SLC8A1: variants seen among roughly 807,000 people sequenced by gnomAD.
The protein encoded by SLC8A1 is sodium/calcium exchanger 1.
SLC8A1 carries 18 observed loss-of-function variants against 68.3 expected under a neutral mutation model. The ratio of observed to expected loss-of-function variants is 0.26; its 90% CI spans 0.18 to 0.39. The LOEUF is 0.39. SLC8A1 is among the 10% of genes least tolerant of loss of function. SLC8A1 has a pLI of 1.00. For missense variants in SLC8A1, 985 were observed against 1,156.7 expected (o/e 0.85, Z 2.15); for synonymous variants, 475 against 415.5 (o/e 1.14, Z -1.74).
At chr2:40,282,021 C>T (rs1425739641) in intron 2 of SLC8A1, among the ~76,000 whole-genome samples, 1 of 152,116 alleles carries the variant, frequency 6.6e-6, no homozygotes, top group Admixed American at 6.5e-5. Flanking sequence ...GGCTTCTATC[C>T]CTTCAGCACA....
intron 2 of SLC8A1, among the ~76,000 whole-genome samples, chr2:40,327,590 A>AG (rs2149361282): frequency 6.6e-6 from 1 of 152,264 alleles, no homozygotes; most frequent in Non-Finnish European, 1.5e-5. Context: ...CATAAAAAAA[A>AG]ACATGTTCTT....
chr2:40,193,629 G>A (rs764949905), intron 2 of SLC8A1, among the ~76,000 whole-genome samples: 1 of 152,142 alleles, frequency 6.6e-6, no homozygotes, highest in Non-Finnish European at 1.5e-5. Context: ...CAGGAGAAAT[G>A]CTAAATCATG....
At chr2:40,233,703 T>A (rs2148912338) in intron 2 of SLC8A1, among the ~76,000 whole-genome samples, 1 of 148,008 alleles carries the variant, frequency 6.8e-6, no homozygotes, top group Admixed American at 6.8e-5. Context: ...ATGCCTAGGT[T>A]TTCTTCTAGG....
At chr2:40,259,827 C>G (rs185963700) in intron 2 of SLC8A1, among the ~76,000 whole-genome samples, 6 of 152,038 alleles carry the variant, frequency 3.9e-5, no homozygotes, top group Admixed American at 2.6e-4. Context: ...AGTAAATAAG[C>G]TTTAATTTTC....
chr2:40,462,258 C>T (rs1480678243), intron 1 of SLC8A1, among the ~76,000 whole-genome samples: 8 of 151,678 alleles, frequency 5.3e-5, no homozygotes, highest in East Asian at 1.9e-4. Context: ...TCACCCACCT[C>T]GGCCTCCCAA....
chr2:40,342,788 C>G (rs937953015), intron 2 of SLC8A1, among the ~76,000 whole-genome samples: 3 of 151,994 alleles, frequency 2.0e-5, no homozygotes, highest in African/African-American at 7.2e-5. Flanking sequence ...TGACGGAGAC[C>G]CAGAGAATCT....
At chr2:40,367,326 C>G (rs1045466824) in intron 2 of SLC8A1, among the ~76,000 whole-genome samples, 1 of 152,000 alleles carries the variant, frequency 6.6e-6, no homozygotes, top group Middle Eastern at 3.2e-3. Flanking sequence ...CTGGAATTCC[C>G]TGACACTGAC....
At position 40,447,586 on chromosome 2, in the gene SLC8A1, G is replaced by C. The variant is rs1482714427; in HGVS notation, c.-25+4318C>G. ...CAGTTGACCTGATAAACCAATCCAA[G>C]TTAAAAAAAAAAAAAAAAAAAAGAA... is the stretch of plus-strand genomic sequence containing the variant. On this transcript the variant is annotated intron_variant, in intron 1 of 7. Coordinates refer to ENST00000406785, the Ensembl canonical transcript of SLC8A1. Among the ~76,000 whole-genome samples the C allele has an allele frequency of 1.1e-3, 68 of 60,356 alleles. 1 individual carries two copies. In the Admixed American group the frequency reaches 0.014, roughly 13 times the overall value. 39.6% of individuals were successfully genotyped at this position (60,356 alleles called of 152,430 possible).
chr2:40,169,469 C>T (rs1281086183), intron 4 of SLC8A1, among the ~76,000 whole-genome samples: 1 of 152,086 alleles, frequency 6.6e-6, no homozygotes, highest in Non-Finnish European at 1.5e-5. Flanking sequence ...TATTTGGGCT[C>T]TAAACCTGTA....
chr2:40,196,179 G>C (rs1190325377), intron 2 of SLC8A1, among the ~76,000 whole-genome samples: 1 of 151,964 alleles, frequency 6.6e-6, no homozygotes, highest in Non-Finnish European at 1.5e-5. Context: ...GTTGTGATTT[G>C]AGGAAGGACA....
At chr2:40,154,098 C>G (rs1285014419) in intron 6 of SLC8A1, among the ~76,000 whole-genome samples, 3 of 152,070 alleles carry the variant, frequency 2.0e-5, no homozygotes, top group African/African-American at 7.2e-5. Flanking sequence ...TAATCACTTG[C>G]TAGTTGTGTG....
chr2:40,139,327 T>C, intron 7 of SLC8A1, 74 bp downstream of exon 10: 1 of 1,537,164 alleles, frequency 6.5e-7, no homozygotes, highest in Non-Finnish European at 8.9e-7. Flanking sequence ...CCCTTGAAAT[T>C]GTAGGAAAGA....
At chr2:40,199,929 C>T (rs897207298) in intron 2 of SLC8A1, among the ~76,000 whole-genome samples, 3 of 150,928 alleles carry the variant, frequency 2.0e-5, no homozygotes, top group African/African-American at 7.3e-5. Flanking sequence ...TTGACACAGA[C>T]CAGATGTTAT....
chr2:40,332,329 G>C (rs1226550275), intron 2 of SLC8A1, among the ~76,000 whole-genome samples: 1 of 150,018 alleles, frequency 6.7e-6, no homozygotes, highest in Non-Finnish European at 1.5e-5. Flanking sequence ...TGAACTTTGA[G>C]ACTGCAAGTC....
chr2:40,316,523 T>C (rs970809268), intron 2 of SLC8A1, among the ~76,000 whole-genome samples: 1 of 127,156 alleles, frequency 7.9e-6, no homozygotes. Context: ...ATTAGGAACA[T>C]GTGTTCTTTG....
chr2:40,252,942 CATAT>C (rs961151492), intron 2 of SLC8A1, among the ~76,000 whole-genome samples: 37 of 133,956 alleles, frequency 2.8e-4, no homozygotes, highest in African/African-American at 1.1e-3. Flanking sequence ...TATGTATGTA[CATAT>C]ATACATATGT....
intron 2 of SLC8A1, among the ~76,000 whole-genome samples, chr2:40,204,375 G>A (rs754320759): frequency 2.0e-5 from 3 of 152,002 alleles, no homozygotes; most frequent in Non-Finnish European, 2.9e-5. Flanking sequence ...TCCGCTACGG[G>A]TTTTCAGATT....
At chr2:40,378,882 T>A (rs1023814191) in intron 2 of SLC8A1, among the ~76,000 whole-genome samples, 2 of 152,106 alleles carry the variant, frequency 1.3e-5, no homozygotes, top group African/African-American at 4.8e-5. Flanking sequence ...TTGACCATAT[T>A]CTAAAGTAGC....
At chr2:40,398,406 G>GT (rs1396162914) in intron 2 of SLC8A1, among the ~76,000 whole-genome samples, 1 of 152,136 alleles carries the variant, frequency 6.6e-6, no homozygotes, top group South Asian at 2.1e-4. Context: ...TGGTATATTT[G>GT]TTTTTCTACT....
Sources: allele counts gnomAD v4.1 joint callset (sites outside exome capture counted in the v4.1 genomes callset), GRCh38; gene constraint gnomAD v4.1.1; transcripts MANE v1.5; gene names NCBI Gene and HGNC (gene_info 2026-07-23, HGNC 2026-07-21).